SLC16A11: variants seen among roughly 807,000 people sequenced by gnomAD.
SLC16A11 encodes the protein monocarboxylate transporter 11.
In SLC16A11, 24 loss-of-function variants were observed where a neutral mutation model predicts 26.0. That is an observed-to-expected ratio of 0.92 (90% CI 0.67 to 1.30). The LOEUF is 1.30. Among genes scored for constraint, SLC16A11 ranks in the 50% most tolerant of loss-of-function variants. SLC16A11 has a pLI of 0.00. For missense variants in SLC16A11, 638 were observed against 597.7 expected (o/e 1.07, Z -0.70); for synonymous variants, 332 against 296.0 (o/e 1.12, Z -1.25).
rs1910840951 is a variant in SLC16A11, at chr17:7,043,085, C to T, written c.203-12G>A. 5 of 1,517,648 alleles carry T rather than the reference C, an allele frequency of 3.3e-6. No individual in the cohort carries two copies. Among genetic ancestry groups the T allele is most frequent in the Non-Finnish European group, 4.4e-6 (5 of 1,134,154 alleles). The allele number at this position is 1,517,648 out of a possible 1,614,324, so 94.0% of individuals were successfully genotyped here. The stretch of plus-strand genomic sequence containing the variant: ...GCTGCCCACGGGGCCTGAAAGGGGG[C>T]GGAGTCAACGGAAGACACGCCCCCG... On this transcript the variant is annotated splice_polypyrimidine_tract_variant and intron_variant, in intron 2 of 4. Coordinates refer to ENST00000574600, the MANE Select transcript of SLC16A11 (RefSeq NM_001370549.1).
rs942184439 is a variant in SLC16A11 at position 7,042,304 on chromosome 17, G to C, written c.806C>G (p.Ala269Gly). The C allele has an allele frequency of 3.2e-6, 5 of 1,551,734 alleles. No individual in the cohort carries two copies. Among genetic ancestry groups the C allele is most frequent in the Non-Finnish European group, 4.4e-6 (5 of 1,147,724 alleles). Residue 269 changes from alanine to glycine, a missense_variant, in exon 4 of 5, where the codon GCC becomes GGC. Transcript: ENST00000574600. This position sits in a 1 kb window ranked among gnomAD's most constrained non-coding sequence, Gnocchi z 5.9. ...TGCCAGCCACCCGCAGACCAGCCGGGCGCCCGCATCCCCCATCGCAGCCAC... is the reference window on the plus strand; with the variant it reads ...TGCCAGCCACCCGCAGACCAGCCGGCCGCCCGCATCCCCCATCGCAGCCAC... ...VAVAAMGDAG[A>G]RLVCGWLADQ...
chr17:7,042,124 G>A lies in SLC16A11; in HGVS notation c.986C>T (p.Ala329Val). ...LAAAVAYGLS[A>V]GSYAPLVFGV... is the part of the protein sequence containing the mutation. ...GAAAACCAGCGGGGCGTAACTCCCC[G>A]CGCTCAGCCCATAGGCCACAGCCGC... Residue 329 changes from alanine to valine, a missense_variant, in exon 4 of 5, where the codon GCG (alanine) becomes GTG (valine). Transcript: ENST00000574600. This position sits in a 1 kb window ranked among gnomAD's most constrained non-coding sequence, Gnocchi z 5.9. 4 of 1,598,282 alleles carry A rather than the reference G, an allele frequency of 2.5e-6. No homozygotes were observed. The highest frequency in any genetic ancestry group is 3.4e-6 in the Non-Finnish European group (4 of 1,172,738).
Position 7,042,306 on chromosome 17 carries a change from G to A in SLC16A11, c.804C>T (p.Gly268=). 1 of 1,549,058 alleles carries A rather than the reference G, an allele frequency of 6.5e-7. No homozygotes were observed. The highest frequency in any genetic ancestry group is 8.7e-7 in the Non-Finnish European group (1 of 1,145,756). The change falls in exon 4 of 5, where the codon GGC becomes GGT. Residue 268 remains glycine, a synonymous_variant. Transcript: ENST00000574600. The surrounding 1 kb of genome is among the most constrained non-coding windows in gnomAD (Gnocchi z 5.9). Reference sequence around the variant, plus strand: ...CCAGCCACCCGCAGACCAGCCGGGCGCCCGCATCCCCCATCGCAGCCACGG... The same window carrying A: ...CCAGCCACCCGCAGACCAGCCGGGCACCCGCATCCCCCATCGCAGCCACGG... ...VVAVAAMGDA[G]ARLVCGWLAD...
Position 7,042,825 on chromosome 17 carries a change from C to T in SLC16A11, c.347-62G>A, listed in dbSNP as rs1910824783. 35 of 1,565,542 alleles carry T rather than the reference C, an allele frequency of 2.2e-5. No individual in the cohort carries two copies. The South Asian group carries it at 3.9e-4, about 18-fold the overall frequency. ...GGGACGCCCGCCCCAGCATTCCCAG[C>T]CCGGCTCTCCGCACCAGGCCCCCGC... On this transcript the variant is annotated intron_variant, in intron 3 of 4. Transcript: ENST00000574600. This position sits in a 1 kb window ranked among gnomAD's most constrained non-coding sequence, Gnocchi z 5.9.
Position 7,042,436 on chromosome 17 carries a change from A to T in SLC16A11, c.674T>A (p.Leu225Gln). 2 of 1,557,698 alleles carry T rather than the reference A, an allele frequency of 1.3e-6. No homozygotes were observed. Among genetic ancestry groups the T allele is most frequent in the Middle Eastern group, 1.7e-4 (1 of 5,994 alleles). ...FTRRAFSIFALGTALVGGGYF... is the reference protein window; with the variant it reads ...FTRRAFSIFAQGTALVGGGYF... ...CCCGCCCCCAACCAGGGCTGTGCCT[A>T]GAGCAAAGATTGAGAAGGCCCGGCG... The change falls in exon 4 of 5, where the codon CTA (leucine) becomes CAA (glutamine). Residue 225 changes from leucine (L) to glutamine (Q), a missense_variant. Transcript: ENST00000574600. This position sits in a 1 kb window ranked among gnomAD's most constrained non-coding sequence, Gnocchi z 5.9.
chr17:7,042,615 A>G lies in SLC16A11; in HGVS notation c.495T>C (p.Asp165=). The G allele has an allele frequency of 6.3e-7, 1 of 1,584,298 alleles. No homozygotes were observed. Among genetic ancestry groups the G allele is most frequent in the East Asian group, 2.3e-5 (1 of 43,986 alleles). Residue 165 remains aspartate (D), a synonymous_variant, in exon 4 of 5, where the codon GAT becomes GAC. Transcript: ENST00000574600. This position sits in a 1 kb window ranked among gnomAD's most constrained non-coding sequence, Gnocchi z 5.9. ...LLAPALQLLL[D]TFGWRGALLL... is the part of the protein sequence containing the mutation. Reference sequence around the variant, plus strand: ...GCAGAGCGCCCCGCCAGCCGAAAGTATCGAGAAGAAGCTGCAAGGCGGGCG... The same window carrying G: ...GCAGAGCGCCCCGCCAGCCGAAAGTGTCGAGAAGAAGCTGCAAGGCGGGCG...
At position 7,042,044 on chromosome 17, in the gene SLC16A11, C is replaced by T. The variant is rs761962811; in HGVS notation, c.1066G>A (p.Val356Met). The stretch of plus-strand genomic sequence containing the variant: ...CCCCCGAGGCTCATCAGCATCATCA[C>T]CAGCCCTGTGGCCTGCACCACACCT... ...VGGVVQATGL[V>M]MMLMSLGGLL... Residue 356 changes from valine to methionine, a missense_variant, in exon 4 of 5, where the codon GTG becomes ATG. Coordinates refer to ENST00000574600, the MANE Select transcript of SLC16A11 (RefSeq NM_001370549.1). The surrounding 1 kb of genome is among the most constrained non-coding windows in gnomAD (Gnocchi z 5.9). 28 of 1,595,700 alleles carry T rather than the reference C, an allele frequency of 1.8e-5. No homozygotes were observed. The highest frequency in any genetic ancestry group is 2.3e-5 in the Non-Finnish European group (27 of 1,169,002).
Position 7,042,921 on chromosome 17 carries a change from T to C in SLC16A11, c.346+9A>G. The C allele has an allele frequency of 6.2e-7, 1 of 1,612,490 alleles. No homozygotes were observed. The highest frequency in any genetic ancestry group is 8.5e-7 in the Non-Finnish European group (1 of 1,179,680). On this transcript the variant is annotated intron_variant, in intron 3 of 4. Transcript: ENST00000574600. This position sits in a 1 kb window ranked among gnomAD's most constrained non-coding sequence, Gnocchi z 5.9. ...ACCCTGAATGACCCGGGCATCCCAC[T>C]TCCCTCACCAGCGAGGAGGCCCAGG...
rs1910882796 is a variant in SLC16A11 at position 7,043,774 on chromosome 17, C to T, written c.-7+1G>A. The stretch of plus-strand genomic sequence containing the variant: ...TCCCACGCACACTCCTTCCCCCTTA[C>T]CCGACCTCTCCGGGCGGTGCGGGGA... On this transcript the variant is annotated splice_donor_variant, in intron 1 of 4. Transcript: ENST00000574600. LOFTEE classifies it low-confidence loss of function (5UTR_SPLICE). 3.2e-5 allele frequency: 19 copies of T among 590,938 alleles called. No homozygotes were observed. Among genetic ancestry groups the T allele is most frequent in the Non-Finnish European group, 4.9e-5 (18 of 366,854 alleles). 36.6% of individuals were successfully genotyped at this position (590,938 alleles called of 1,614,324 possible).
At position 7,042,234 on chromosome 17, in the gene SLC16A11, C is replaced by T. The variant is rs1910777688; in HGVS notation, c.876G>A (p.Gly292=). 1 of 1,581,900 alleles carries T rather than the reference C, an allele frequency of 6.3e-7. No homozygotes were observed. The highest frequency in any genetic ancestry group is 1.7e-5 in the Admixed American group (1 of 57,266). ...VPLPRLLAVF[G]ALTGLGLWVV... is the part of the protein sequence containing the mutation. ...CCCACAGCCCCAGCCCAGTCAGAGC[C>T]CCGAATACGGCCAGCAGCCGCGGGA... The change falls in exon 4 of 5, where the codon GGG becomes GGA. Residue 292 remains glycine (G), a synonymous_variant. Coordinates refer to ENST00000574600, the MANE Select transcript of SLC16A11 (RefSeq NM_001370549.1). The surrounding 1 kb of genome is among the most constrained non-coding windows in gnomAD (Gnocchi z 5.9).
At chr17:7,043,204 G>C in intron 2 of SLC16A11, 108 bp downstream of exon 2, 1 of 1,484,594 alleles carries the variant, frequency 6.7e-7, no homozygotes, top group Non-Finnish European at 8.9e-7. Context: ...CTCTTTTCTA[G>C]AGCCGGTTGC....
Position 7,043,801 on chromosome 17 carries a change from G to A in SLC16A11, c.-33C>T, listed in dbSNP as rs1910883775. 7.4e-6 allele frequency: 4 copies of A among 540,692 alleles called. No homozygotes were observed. The highest frequency in any genetic ancestry group is 1.2e-5 in the Non-Finnish European group (4 of 326,456). 33.5% of individuals were successfully genotyped at this position (540,692 alleles called of 1,614,324 possible). A position where few individuals can be genotyped will look rare whatever the true frequency, so the allele number is the denominator to read the frequency against. ...CGACCTCTCCGGGCGGTGCGGGGAG[G>A]GGAAGGGTGAGGAAGGGCTGGGCCC... On this transcript the variant is annotated 5_prime_UTR_variant, in exon 1 of 5. Transcript: ENST00000574600.
rs746009321 is a variant in SLC16A11 at position 7,042,854 on chromosome 17, G to A, written c.346+76C>T. The A allele has an allele frequency of 1.4e-4, 216 of 1,596,414 alleles. No individual in the cohort carries two copies. Among genetic ancestry groups the A allele is most frequent in the Non-Finnish European group, 1.8e-4 (209 of 1,172,180 alleles). ...GCTCTCCGCACCAGGCCCCCGCCTC[G>A]TTCGCTACCCCAGATCCCAACAAGC... On this transcript the variant is annotated intron_variant, in intron 3 of 4. Coordinates refer to ENST00000574600, the MANE Select transcript of SLC16A11 (RefSeq NM_001370549.1). This position sits in a 1 kb window ranked among gnomAD's most constrained non-coding sequence, Gnocchi z 5.9.
rs535868366 is a variant in SLC16A11 at position 7,042,916 on chromosome 17, C to T, written c.346+14G>A. The T allele has an allele frequency of 6.2e-6, 10 of 1,612,850 alleles. No homozygotes were observed. The East Asian group carries it at 2.0e-4, about 32-fold the overall frequency. On this transcript the variant is annotated intron_variant, in intron 3 of 4. Transcript: ENST00000574600. The surrounding 1 kb of genome is among the most constrained non-coding windows in gnomAD (Gnocchi z 5.9). ...CCTTCACCCTGAATGACCCGGGCAT[C>T]CCACTTCCCTCACCAGCGAGGAGGC...
In SLC16A11 at chr17:7,041,865, G is replaced by C. The variant is rs1910752469; in HGVS notation, c.1158C>G (p.Leu386=). The C allele has an allele frequency of 6.2e-7, 1 of 1,613,910 alleles. No homozygotes were observed. Among genetic ancestry groups the C allele is most frequent in the South Asian group, 1.1e-5 (1 of 91,084 alleles). Reference sequence around the variant, plus strand: ...CGGAGAGGATCAAAGAACCAGACAGGAGGAAAGAGGCGGTGAAGTCTCCTG... The same window carrying C: ...CGGAGAGGATCAAAGAACCAGACAGCAGGAAAGAGGCGGTGAAGTCTCCTG... ...DETGDFTASF[L]LSGSLILSGS... Residue 386 remains leucine, a synonymous_variant, in exon 5 of 5, where the codon CTC becomes CTG. Coordinates refer to ENST00000574600, the MANE Select transcript of SLC16A11 (RefSeq NM_001370549.1).
rs1372769566 is a variant in SLC16A11 at position 7,042,180 on chromosome 17, G to A, written c.930C>T (p.Gly310=). ...WVVGLVPVVG[G]EESWGGPLLA... ...GCAGGGGACCCCCCCAGCTCTCTTC[G>A]CCGCCCACCACGGGCACCAGCCCCA... The change falls in exon 4 of 5, where the codon GGC becomes GGT. Residue 310 remains glycine (G), a synonymous_variant. Transcript: ENST00000574600. The surrounding 1 kb of genome is among the most constrained non-coding windows in gnomAD (Gnocchi z 5.9). 2 of 1,568,426 alleles carry A rather than the reference G, an allele frequency of 1.3e-6. No individual in the cohort carries two copies. Among genetic ancestry groups the A allele is most frequent in the Admixed American group, 3.6e-5 (2 of 55,044 alleles).
At position 7,042,439 on chromosome 17, in the gene SLC16A11, G is replaced by A; in HGVS notation, c.671C>T (p.Ala224Val). ...LFTRRAFSIF[A>V]LGTALVGGGY... ...GCCCCCAACCAGGGCTGTGCCTAGA[G>A]CAAAGATTGAGAAGGCCCGGCGTGT... The change falls in exon 4 of 5, where the codon GCT becomes GTT. Residue 224 changes from alanine (A) to valine (V), a missense_variant. Physicochemically the swap from Ala to Val is moderately conservative, Grantham distance 64 (BLOSUM62 0). Coordinates refer to ENST00000574600, the MANE Select transcript of SLC16A11 (RefSeq NM_001370549.1). This position sits in a 1 kb window ranked among gnomAD's most constrained non-coding sequence, Gnocchi z 5.9. 1.3e-6 allele frequency: 2 copies of A among 1,557,518 alleles called. No homozygotes were observed. The highest frequency in any genetic ancestry group is 1.7e-6 in the Non-Finnish European group (2 of 1,150,212).
chr17:7,042,183 G>A lies in SLC16A11; in HGVS notation c.927C>T (p.Gly309=). Residue 309 remains glycine, a synonymous_variant, in exon 4 of 5, where the codon GGC becomes GGT. Coordinates refer to ENST00000574600, the MANE Select transcript of SLC16A11 (RefSeq NM_001370549.1). This position sits in a 1 kb window ranked among gnomAD's most constrained non-coding sequence, Gnocchi z 5.9. ...LWVVGLVPVV[G]GEESWGGPLL... ...GGGGACCCCCCCAGCTCTCTTCGCC[G>A]CCCACCACGGGCACCAGCCCCACCA... The A allele has an allele frequency of 6.4e-7, 1 of 1,567,498 alleles. No homozygotes were observed.
Position 7,042,947 on chromosome 17 carries a change from C to A in SLC16A11, c.329G>T (p.Gly110Val), listed in dbSNP as rs761467841. The change falls in exon 3 of 5, where the codon GGC becomes GTC. Residue 110 changes from glycine (G) to valine (V), a missense_variant. Gly to Val is a moderately radical substitution (Grantham distance 109, BLOSUM62 -3). Coordinates refer to ENST00000574600, the MANE Select transcript of SLC16A11 (RefSeq NM_001370549.1). The surrounding 1 kb of genome is among the most constrained non-coding windows in gnomAD (Gnocchi z 5.9). Reference protein sequence around the residue: ...FASDLLHLYLGLGLLAGFGWA... With the variant: ...FASDLLHLYLVLGLLAGFGWA... The stretch of plus-strand genomic sequence containing the variant: ...TCCCTCACCAGCGAGGAGGCCCAGG[C>A]CGAGGTAGAGATGCAGCAGATCGCT... 6.2e-7 allele frequency: 1 copy of A among 1,613,164 alleles called. No individual in the cohort carries two copies. The highest frequency in any genetic ancestry group is 8.5e-7 in the Non-Finnish European group (1 of 1,179,846).
Sources: allele counts gnomAD v4.1 joint callset, GRCh38; gene constraint gnomAD v4.1.1; non-coding constraint Gnocchi (gnomAD v3.1); transcripts MANE v1.5; gene names NCBI Gene and HGNC (gene_info 2026-07-23, HGNC 2026-07-21).